The following GOLT1A variants were observed in gnomAD, a reference collection of about 807,000 sequenced individuals.
GOLT1A encodes the protein golgi transport 1A.
GOLT1A carries 10 observed loss-of-function variants against 16.1 expected under a neutral mutation model. The ratio of observed to expected loss-of-function variants is 0.62; its 90% confidence interval spans 0.38 to 1.05. GOLT1A has a LOEUF of 1.05. Ranked by LOEUF, GOLT1A falls within the 50% of genes least tolerant of loss-of-function variation. The probability of loss-of-function intolerance (pLI) is 0.01; values close to 1 mark genes in which losing one functional copy is unlikely to be tolerated. For synonymous variants in GOLT1A, 60 were observed against 67.9 expected, an observed-to-expected ratio of 0.88 and a Z score of 0.57; for missense variants, 137 against 165.7, an observed-to-expected ratio of 0.83 and a Z score of 0.95.
In GOLT1A at chr1:204,200,043, G is replaced by A. The variant is rs1243674177; in HGVS notation, c.297-785C>T. On this transcript the variant is annotated intron_variant, in intron 3 of 4. Transcript: ENST00000308302. ...TTTGCCTCCTGTGTTACTGCACAGT[G>A]TCTTTGTCAAGGCTGACTTTCAGTT... is the stretch of plus-strand genomic sequence containing the variant. 2.0e-5 allele frequency among the ~76,000 whole-genome samples: 3 copies of A among 152,196 alleles called. No individual in the cohort carries two copies. The South Asian group carries it at 6.2e-4, about 32-fold the overall frequency.
chr1:204,213,959 G>C lies in GOLT1A; in HGVS notation c.-53C>G, dbSNP rs1659178617. ...GGTGGAAGCGGGCAAGTGGAGCGTG[G>C]CCCAGAGGACGCAGCTGGTACATGG... On this transcript the variant is annotated 5_prime_UTR_variant, in exon 1 of 5. Coordinates refer to ENST00000308302, the MANE Select transcript of GOLT1A (RefSeq NM_198447.2). 1.3e-6 allele frequency: 2 copies of C among 1,599,188 alleles called. No homozygotes were observed. Among genetic ancestry groups the C allele is most frequent in the Non-Finnish European group, 1.7e-6 (2 of 1,171,744 alleles).
chr1:204,198,762 C>T (rs566310328), intron 4 of GOLT1A, among the ~76,000 whole-genome samples: 2 of 152,258 alleles, frequency 1.3e-5, no homozygotes, highest in South Asian at 4.1e-4. Flanking sequence ...GTGCCTATCC[C>T]CAGGAGAGGA....
In GOLT1A at chr1:204,198,286, G is replaced by A. The variant is rs1658893571; in HGVS notation, c.*172C>T. ...TCTCTGCTTCCTGGCAGCCTCTTGAGTCGACTTGGGGATTTGACGTCAGTT... is the reference window on the plus strand; with the variant it reads ...TCTCTGCTTCCTGGCAGCCTCTTGAATCGACTTGGGGATTTGACGTCAGTT... On this transcript the variant is annotated 3_prime_UTR_variant, in exon 5 of 5. Transcript: ENST00000308302. 3.3e-6 allele frequency: 2 copies of A among 613,754 alleles called. No individual in the cohort carries two copies. The highest frequency in any genetic ancestry group is 6.3e-5 in the Admixed American group (2 of 31,908). 38.0% of individuals were successfully genotyped at this position (613,754 alleles called of 1,614,324 possible).
intron 1 of GOLT1A, among the ~76,000 whole-genome samples, chr1:204,213,366 C>T (rs1317010511): frequency 6.8e-6 from 1 of 147,200 alleles, no homozygotes; most frequent in African/African-American, 2.5e-5. Context: ...ATGAAGCCCA[C>T]AGAGCCACGG....
intron 3 of GOLT1A, 152 bp from the exon 4 acceptor site, chr1:204,199,410 C>G: frequency 3.0e-6 from 2 of 660,898 alleles, no homozygotes; most frequent in Non-Finnish European, 5.5e-6. Context: ...GAGAGACAGT[C>G]GAGTGACATG....
At chr1:204,201,177 C>T (rs1014341983) in intron 3 of GOLT1A, among the ~76,000 whole-genome samples, 6 of 152,200 alleles carry the variant, frequency 3.9e-5, no homozygotes, top group African/African-American at 1.2e-4. Context: ...TTAAGGGCGA[C>T]CTTTTTCACA....
At chr1:204,199,311 T>C (rs1200708803) in intron 3 of GOLT1A, 53 bp from the exon 4 acceptor site, 1 of 1,438,924 alleles carries the variant, frequency 6.9e-7, no homozygotes, top group East Asian at 2.3e-5. Flanking sequence ...GAAGAGAGGA[T>C]AGAGGGCACG....
In GOLT1A at chr1:204,200,295, A is replaced by ATGTGTGTGTG. The variant is rs150180519; in HGVS notation, c.297-1038_297-1037insCACACACACA. 1.3e-3 allele frequency among the ~76,000 whole-genome samples: 124 copies of ATGTGTGTGTG among 97,302 alleles called. 4 individuals carry two copies. The highest frequency in any genetic ancestry group is 5.5e-3 in the African/African-American group (104 of 18,928). 63.8% of individuals were successfully genotyped at this position (97,302 alleles called of 152,430 possible). On this transcript the variant is annotated intron_variant, in intron 3 of 4. Coordinates refer to ENST00000308302, the MANE Select transcript of GOLT1A (RefSeq NM_198447.2). ...AAGCGACTGTTTGAAAATGACATAT[A>ATGTGTGTGTG]TGTGTATATATATATATATATATAT...
chr1:204,200,299 G>GTGTGTA, intron 3 of GOLT1A, among the ~76,000 whole-genome samples: 2 of 82,674 alleles, frequency 2.4e-5, no homozygotes, highest in East Asian at 4.0e-4. Context: ...ACATATATGT[G>GTGTGTA]TATATATATA....
chr1:204,211,641 A>G (rs1432706187), intron 1 of GOLT1A, among the ~76,000 whole-genome samples: 1 of 152,128 alleles, frequency 6.6e-6, no homozygotes, highest in Non-Finnish European at 1.5e-5. Context: ...TGGTTTAACA[A>G]AGTGTCAGCG....
At chr1:204,201,854 C>T (rs770578348) in intron 2 of GOLT1A, 43 bp from the exon 3 acceptor site, 2 of 1,589,212 alleles carry the variant, frequency 1.3e-6, no homozygotes, top group Non-Finnish European at 1.7e-6. Flanking sequence ...CCACCAGCCC[C>T]CTGAGGAGTG....
intron 4 of GOLT1A, chr1:204,198,962 C>T (rs1324233726): frequency 1.8e-6 from 1 of 561,878 alleles, no homozygotes; most frequent in African/African-American, 1.9e-5. Context: ...CCTGCCTCTA[C>T]AGCCACACTC....
chr1:204,199,639 G>A (rs1658919570), intron 3 of GOLT1A, among the ~76,000 whole-genome samples: 1 of 152,166 alleles, frequency 6.6e-6, no homozygotes, highest in Non-Finnish European at 1.5e-5. Context: ...TCATGATTAT[G>A]ACTCTTCTGG....
chr1:204,201,707 A>AC lies in GOLT1A; in HGVS notation c.221dup (p.Val75CysfsTer25), dbSNP rs765260894. Reference sequence around the variant, plus strand: ...GCCAGCGTAGGAGCACGATAACCACACCCCCCAGGAGGAAGCTGGTTCCCT... The same window carrying AC: ...GCCAGCGTAGGAGCACGATAACCACACCCCCCCAGGAGGAAGCTGGTTCCCT... On this transcript the variant is annotated frameshift_variant, in exon 3 of 5. Transcript: ENST00000308302. LOFTEE classifies it high-confidence loss of function. The AC allele has an allele frequency of 1.4e-5, 22 of 1,613,284 alleles. No individual in the cohort carries two copies. Among genetic ancestry groups the AC allele is most frequent in the Non-Finnish European group, 1.9e-5 (22 of 1,179,878 alleles).
intron 1 of GOLT1A, among the ~76,000 whole-genome samples, chr1:204,212,533 A>G (rs1195848511): frequency 6.7e-6 from 1 of 150,006 alleles, no homozygotes; most frequent in Non-Finnish European, 1.5e-5. Context: ...GCTACTTAGG[A>G]GGCTGAGGCA....
chr1:204,212,636 C>CAAAAAAAAAAAAAAAAAAAAA, intron 1 of GOLT1A, among the ~76,000 whole-genome samples: 1 of 84,192 alleles, frequency 1.2e-5, no homozygotes, highest in Non-Finnish European at 2.3e-5. Context: ...GACTCTGTCT[C>CAAAAAAAAAAAAAAAAAAAAA]AAAAAAAAAA....
chr1:204,200,299 G>GTGTGTGTGTGTATATA lies in GOLT1A; in HGVS notation c.297-1042_297-1041insTATATACACACACACA. 4.5e-4 allele frequency among the ~76,000 whole-genome samples: 37 copies of GTGTGTGTGTGTATATA among 82,672 alleles called. 1 individual carries two copies. Among genetic ancestry groups the GTGTGTGTGTGTATATA allele is most frequent in the African/African-American group, 2.0e-3 (36 of 18,056 alleles). 54.2% of individuals were successfully genotyped at this position (82,672 alleles called of 152,430 possible). A position where few individuals can be genotyped will look rare whatever the true frequency, so the allele number is the denominator to read the frequency against. ...GACTGTTTGAAAATGACATATATGT[G>GTGTGTGTGTGTATATA]TATATATATATATATATATATGTTT... On this transcript the variant is annotated intron_variant, in intron 3 of 4. Coordinates refer to ENST00000308302, the MANE Select transcript of GOLT1A (RefSeq NM_198447.2).
intron 1 of GOLT1A, among the ~76,000 whole-genome samples, chr1:204,212,062 A>G (rs956058750): frequency 6.6e-6 from 1 of 152,158 alleles, no homozygotes; most frequent in Admixed American, 6.5e-5. Context: ...CTGGAACTCC[A>G]GACTCACATA....
Position 204,200,299 on chromosome 1 carries a change from G to GTATACATATATATATATATATATA in GOLT1A, c.297-1042_297-1041insTATATATATATATATATATGTATA, listed in dbSNP as rs1553233959. ...GACTGTTTGAAAATGACATATATGT[G>GTATACATATATATATATATATATA]TATATATATATATATATATATGTTT... is the stretch of plus-strand genomic sequence containing the variant. On this transcript the variant is annotated intron_variant, in intron 3 of 4. Coordinates refer to ENST00000308302, the MANE Select transcript of GOLT1A (RefSeq NM_198447.2). 2.6e-3 allele frequency among the ~76,000 whole-genome samples: 218 copies of GTATACATATATATATATATATATA among 82,662 alleles called. 1 individual carries two copies. The highest frequency in any genetic ancestry group is 5.9e-3 in the Middle Eastern group (1 of 170). 54.2% of individuals were successfully genotyped at this position (82,662 alleles called of 152,430 possible). A position where few individuals can be genotyped will look rare whatever the true frequency, so the allele number is the denominator to read the frequency against.
Sources: gnomAD v4.1 joint callset for allele counts (sites outside exome capture counted in the v4.1 genomes callset) on GRCh38, gnomAD v4.1.1 for gene constraint, MANE v1.5 for transcripts, NCBI Gene and HGNC (gene_info 2026-07-23, HGNC 2026-07-21) for gene names.